Variants in FRMD4A observed in about 807,000 individuals in gnomAD.
FRMD4A encodes the protein FERM domain containing 4A, also known as FERM domain-containing protein 4A.
In FRMD4A, 29 loss-of-function variants were observed where a neutral mutation model predicts 129.1. The ratio of observed to expected loss-of-function variants is 0.22; its 90% confidence interval spans 0.17 to 0.31. The LOEUF (loss-of-function observed/expected upper bound fraction) is 0.31. Among genes scored for constraint, FRMD4A ranks in the 10% least tolerant of loss-of-function variants. The pLI, the probability that FRMD4A is intolerant of heterozygous loss-of-function variation, is 1.00. For synonymous variants in FRMD4A, 634 were observed against 571.6 expected (o/e 1.11, Z -1.56); for missense variants, 1,272 against 1,375.8 (o/e 0.92, Z 1.19).
intron 2 of FRMD4A, among the ~76,000 whole-genome samples, chr10:14,042,786 C>A (rs2457845): frequency 0.55 from 83,797 of 151,296 alleles, 25,143 homozygotes; most frequent in African/African-American, 0.8. Flanking sequence ...AATATGGTGA[C>A]ACTGCACCTC....
chr10:14,205,401 C>T (rs1317702030), intron 2 of FRMD4A, among the ~76,000 whole-genome samples: 4 of 152,052 alleles, frequency 2.6e-5, no homozygotes, highest in Non-Finnish European at 5.9e-5. Context: ...AAGTGTATTC[C>T]TAGGAGTTTT....
intron 24 of FRMD4A, chr10:13,648,738 TTTCA>T (rs2081315495): frequency 6.6e-6 from 1 of 152,190 alleles, no homozygotes; most frequent in Non-Finnish European, 1.5e-5. Flanking sequence ...GAACTGAGTT[TTTCA>T]TATGTAACTA....
At chr10:14,137,741 C>A (rs1255304717) in intron 2 of FRMD4A, among the ~76,000 whole-genome samples, 13 of 152,186 alleles carry the variant, frequency 8.5e-5, no homozygotes, top group Non-Finnish European at 1.3e-4. Context: ...ATATGTTTTT[C>A]CCACCTGTTA....
chr10:14,278,001 G>A (rs1056183493), intron 2 of FRMD4A, among the ~76,000 whole-genome samples: 34 of 152,184 alleles, frequency 2.2e-4, no homozygotes, highest in African/African-American at 8.0e-4. Flanking sequence ...TTCCCCCAGT[G>A]CCTTCTTCCC....
chr10:14,130,675 G>A (rs1340687820), intron 2 of FRMD4A, among the ~76,000 whole-genome samples: 1 of 152,150 alleles, frequency 6.6e-6, no homozygotes, highest in Non-Finnish European at 1.5e-5. Context: ...ATTCAAATTT[G>A]AAAAACGATG....
intron 2 of FRMD4A, among the ~76,000 whole-genome samples, chr10:13,935,658 G>T (rs1191268961): frequency 6.6e-6 from 1 of 152,098 alleles, no homozygotes; most frequent in Non-Finnish European, 1.5e-5. Context: ...CCAGAAAGCA[G>T]GGAACAGCCT....
At chr10:14,086,343 G>A (rs190948648) in intron 2 of FRMD4A, among the ~76,000 whole-genome samples, 299 of 152,256 alleles carry the variant, frequency 2.0e-3, no homozygotes, top group African/African-American at 7.0e-3. Flanking sequence ...TGAGCCTCAG[G>A]TTCACTAATG....
In FRMD4A at chr10:14,057,317, T is replaced by G. The variant is rs190739955; in HGVS notation, c.46-198405A>C. Among the ~76,000 whole-genome samples the G allele has an allele frequency of 4.6e-5, 7 of 151,640 alleles. No individual in the cohort carries two copies. In the East Asian group the frequency reaches 1.2e-3, roughly 25 times the overall value. On this transcript the variant is annotated intron_variant, in intron 2 of 24. Coordinates refer to ENST00000357447, the MANE Select transcript of FRMD4A (RefSeq NM_018027.5). ...TCAAGAAAAGCAATAAAAGAGAGAC[T>G]TCCCCCCCATTCAGCATAAGCTGAA...
intron 2 of FRMD4A, among the ~76,000 whole-genome samples, chr10:14,141,404 T>C (rs1483077923): frequency 2.0e-5 from 3 of 152,146 alleles, no homozygotes; most frequent in African/African-American, 7.2e-5. Context: ...CCATGCACTC[T>C]CACCTCCTGT....
chr10:13,893,757 C>T (rs1037992950), intron 2 of FRMD4A, among the ~76,000 whole-genome samples: 5 of 152,208 alleles, frequency 3.3e-5, no homozygotes, highest in African/African-American at 9.6e-5. Flanking sequence ...TCAGGTGATC[C>T]ACCCACCTTG....
Position 14,079,229 on chromosome 10 carries a change from T to C in FRMD4A, c.46-220317A>G, listed in dbSNP as rs551200162. On this transcript the variant is annotated intron_variant, in intron 2 of 24. Coordinates refer to ENST00000357447, the MANE Select transcript of FRMD4A (RefSeq NM_018027.5). The stretch of plus-strand genomic sequence containing the variant: ...GGAGTTTACATACGGAGGTGGAAAA[T>C]GGCCAAACTGGGATTTGAACCCCTG... Among the ~76,000 whole-genome samples, 38 of 152,170 alleles carry C rather than the reference T, an allele frequency of 2.5e-4. No individual in the cohort carries two copies. The East Asian group carries it at 7.0e-3, about 28-fold the overall frequency.
intron 23 of FRMD4A, chr10:13,653,441 A>C (rs1025679478): frequency 6.6e-6 from 1 of 152,332 alleles, no homozygotes; most frequent in Non-Finnish European, 1.5e-5. Context: ...TGGAGGTTGC[A>C]GTGAGCTGAT....
rs1843732317 is a variant in FRMD4A at position 14,234,372 on chromosome 10, G to A, written c.45+95686C>T. On this transcript the variant is annotated intron_variant, in intron 2 of 24. Coordinates refer to ENST00000357447, the MANE Select transcript of FRMD4A (RefSeq NM_018027.5). ...ATCAGAGACCAACTCTGTTTTTATC[G>A]TTGTGCATTCAGTAAAGTTCTTATC... Among the ~76,000 whole-genome samples, 4 of 152,114 alleles carry A rather than the reference G, an allele frequency of 2.6e-5. No homozygotes were observed. In the South Asian group the frequency reaches 6.2e-4, roughly 24 times the overall value.
chr10:13,835,235 C>G (rs532040090), intron 3 of FRMD4A, among the ~76,000 whole-genome samples: 1 of 152,332 alleles, frequency 6.6e-6, no homozygotes, highest in South Asian at 2.1e-4. Context: ...CTTTGTGCCT[C>G]AGTTTCCTCA....
At position 14,243,289 on chromosome 10, in the gene FRMD4A, G is replaced by C. The variant is rs149413279; in HGVS notation, c.45+86769C>G. On this transcript the variant is annotated intron_variant, in intron 2 of 24. Transcript: ENST00000357447. ...GGGAGGTGATTGGATCATGGGGGCG[G>C]TTTCTCCTGTGTTGTTCTTGTGATA... Among the ~76,000 whole-genome samples, 1,442 of 152,226 alleles carry C rather than the reference G, an allele frequency of 9.5e-3. 20 individuals are homozygous for C. The highest frequency in any genetic ancestry group is 0.032 in the African/African-American group (1,333 of 41,530).
At chr10:13,814,630 GAAAA>G (rs1187607399) in intron 3 of FRMD4A, among the ~76,000 whole-genome samples, 2 of 112,304 alleles carry the variant, frequency 1.8e-5, no homozygotes, top group African/African-American at 3.3e-5. Flanking sequence ...AAGAGAGAGA[GAAAA>G]AAAAGAAAGA....
At chr10:13,737,781 C>T (rs2090729704) in intron 12 of FRMD4A, 63 bp downstream of exon 12, 7 of 898,008 alleles carry the variant, frequency 7.8e-6, no homozygotes, top group East Asian at 7.3e-5. Context: ...TTTAAAGTGA[C>T]TCCTACGCCT....
At chr10:14,318,186 C>T (rs892967845) in intron 2 of FRMD4A, among the ~76,000 whole-genome samples, 2 of 152,110 alleles carry the variant, frequency 1.3e-5, no homozygotes, top group Non-Finnish European at 2.9e-5. Flanking sequence ...AAAGACTCAG[C>T]CTCAGGCCCC....
chr10:13,832,282 C>T (rs1442013026), intron 3 of FRMD4A, among the ~76,000 whole-genome samples: 2 of 152,150 alleles, frequency 1.3e-5, no homozygotes, highest in African/African-American at 4.8e-5. Context: ...TCCCGTGTGT[C>T]CACAGCAATA....
Sources: gnomAD v4.1 joint callset for allele counts (sites outside exome capture counted in the v4.1 genomes callset) on GRCh38, gnomAD v4.1.1 for gene constraint, MANE v1.5 for transcripts, NCBI Gene and HGNC (gene_info 2026-07-23, HGNC 2026-07-21) for gene names.